The following ANKRD36C variants were observed in gnomAD, a reference collection of about 807,000 sequenced individuals.
ANKRD36C encodes ankyrin repeat domain 36C.
A neutral mutation model predicts 276.4 loss-of-function variants in ANKRD36C; 61 were observed. The ratio of observed to expected loss-of-function variants is 0.22; its 90% CI spans 0.18 to 0.27. The LOEUF (loss-of-function observed/expected upper bound fraction) is 0.27. Ranked by LOEUF, ANKRD36C falls within the 10% of genes least tolerant of loss-of-function variation. ANKRD36C has a pLI of 1.00. For synonymous variants in ANKRD36C, 483 were observed against 680.1 expected, an observed-to-expected ratio of 0.71 and a Z score of 4.51; for missense variants, 1,447 against 2,032.3, an observed-to-expected ratio of 0.71 and a Z score of 5.54.
chr2:95,887,116 T>G (rs1676219864), intron 50 of ANKRD36C, among the ~76,000 whole-genome samples: 1 of 151,614 alleles, frequency 6.6e-6, no homozygotes, highest in African/African-American at 2.4e-5. Context: ...AGTATCATGC[T>G]ATTCTCTAAA....
chr2:95,945,275 T>C (rs1678016221), intron 17 of ANKRD36C, 101 bp from the exon 18 acceptor site: 30 of 967,518 alleles, frequency 3.1e-5, no homozygotes, highest in Non-Finnish European at 4.1e-5. Context: ...AGGATGGACT[T>C]TGAAGTCACT....
rs532159211 is a variant in ANKRD36C, at chr2:95,896,761, C to A, written c.2755+2384G>T. On this transcript the variant is annotated intron_variant, in intron 44 of 66. Transcript: ENST00000456556. ...TTCACTCAGGTTTTCTCAGCAGAAA[C>A]CCCAAAATTATATAAATGACTTCCT... Among the ~76,000 whole-genome samples the A allele has an allele frequency of 6.5e-4, 96 of 148,258 alleles. 2 individuals carry two copies. The East Asian group carries it at 0.019, about 29-fold the overall frequency.
chr2:95,920,370 G>C (rs1481995952), intron 34 of ANKRD36C, among the ~76,000 whole-genome samples: 1 of 132,038 alleles, frequency 7.6e-6, no homozygotes, highest in African/African-American at 2.6e-5. Context: ...CAATAACTGA[G>C]AAGGCACACA....
At chr2:95,918,689 C>T (rs1208537523) in intron 34 of ANKRD36C, among the ~76,000 whole-genome samples, 3 of 151,620 alleles carry the variant, frequency 2.0e-5, no homozygotes, top group African/African-American at 2.4e-5. Flanking sequence ...AAACTTTCTT[C>T]GTCAAGTCGT....
At chr2:95,969,983 C>T (rs376200300) in intron 6 of ANKRD36C, among the ~76,000 whole-genome samples, 12 of 152,180 alleles carry the variant, frequency 7.9e-5, no homozygotes, top group East Asian at 3.9e-4. Context: ...CAGGCATTCA[C>T]TAAGGGTCTT....
chr2:95,963,944 AATATATATATATAAAT>A (rs1230379507), intron 6 of ANKRD36C, among the ~76,000 whole-genome samples: 1 of 82,716 alleles, frequency 1.2e-5, no homozygotes, highest in African/African-American at 4.2e-5. Flanking sequence ...TACATATATA[AATATATATATATAAAT>A]ATATATATAT....
intron 48 of ANKRD36C, among the ~76,000 whole-genome samples, chr2:95,889,574 T>C (rs1433913839): frequency 1.3e-5 from 2 of 151,502 alleles, no homozygotes; most frequent in Non-Finnish European, 3.0e-5. Flanking sequence ...GGTCAGATGG[T>C]TCTTTTTCCC....
intron 59 of ANKRD36C, among the ~76,000 whole-genome samples, chr2:95,870,643 CAACAGAACAAAGCTGGA>C (rs1558621770): frequency 3.3e-5 from 5 of 152,196 alleles, no homozygotes; most frequent in Non-Finnish European, 7.3e-5. Context: ...TCCTCACCAG[CAACAGAACAAAGCTGGA>C]CGGAGAATGA....
chr2:95,925,452 A>G (rs1344725727), intron 29 of ANKRD36C, 28 bp from the exon 30 acceptor site: 1 of 1,548,152 alleles, frequency 6.5e-7, no homozygotes, highest in South Asian at 1.2e-5. Context: ...CAAAATAGTC[A>G]ATACATAATA....
chr2:95,874,102 C>T (rs1210579841), intron 59 of ANKRD36C, among the ~76,000 whole-genome samples: 1 of 152,006 alleles, frequency 6.6e-6, no homozygotes, highest in Non-Finnish European at 1.5e-5. Context: ...GGCCATACTG[C>T]CCAAGGTAAT....
At chr2:95,914,045 C>G (rs1279509536) in intron 40 of ANKRD36C, 63 bp downstream of exon 42, 3 of 1,462,826 alleles carry the variant, frequency 2.1e-6, no homozygotes, top group Non-Finnish European at 2.8e-6. Context: ...CTGATTTCTT[C>G]AGGGAAGAGA....
At chr2:95,852,418 A>G (rs1573715089) in intron 64 of ANKRD36C, 1 of 501,840 alleles carries the variant, frequency 2.0e-6, no homozygotes, top group South Asian at 2.5e-5. Context: ...GTTCATGGCT[A>G]CTTTTGTGCT....
intron 24 of ANKRD36C, among the ~76,000 whole-genome samples, chr2:95,930,537 A>C (rs1182634980): frequency 1.3e-5 from 2 of 151,540 alleles, no homozygotes; most frequent in Non-Finnish European, 3.0e-5. Flanking sequence ...TTTTGCAAAA[A>C]CATACACATC....
At chr2:95,879,120 T>A (rs1676018913) in intron 58 of ANKRD36C, among the ~76,000 whole-genome samples, 1 of 152,136 alleles carries the variant, frequency 6.6e-6, no homozygotes, top group African/African-American at 2.4e-5. Context: ...CTCAGCCATA[T>A]GAAAGAATAA....
chr2:95,921,057 T>G (rs1035988323), intron 34 of ANKRD36C, among the ~76,000 whole-genome samples: 8 of 150,536 alleles, frequency 5.3e-5, no homozygotes, highest in Admixed American at 2.0e-4. Flanking sequence ...GCATGTGAAG[T>G]GAGTTCACTC....
chr2:95,893,530 T>A lies in ANKRD36C; in HGVS notation c.2756-1670A>T. The A allele has an allele frequency of 6.5e-7, 1 of 1,543,292 alleles. No homozygotes were observed. The highest frequency in any genetic ancestry group is 8.7e-7 in the Non-Finnish European group (1 of 1,144,238). ...ATGACATTAAATCTGTTTTCAAAAT[T>A]ACCTGTTCTAGATTTTTCTCCATCC... On this transcript the variant is annotated intron_variant, in intron 44 of 66. Transcript: ENST00000456556.
At chr2:95,911,181 T>C (rs893742425) in intron 42 of ANKRD36C, among the ~76,000 whole-genome samples, 1 of 151,492 alleles carries the variant, frequency 6.6e-6, no homozygotes, top group African/African-American at 2.4e-5. Context: ...CTTAAGTTTC[T>C]TTCATCCACT....
At chr2:95,986,669 A>G in intron 3 of ANKRD36C, 82 bp downstream of exon 3, 2 of 1,179,118 alleles carry the variant, frequency 1.7e-6, no homozygotes, top group Non-Finnish European at 2.3e-6. Flanking sequence ...GCTTCCAAAT[A>G]TGAAAAATTG....
intron 54 of ANKRD36C, 69 bp from the exon 75 acceptor site, chr2:95,882,566 G>A (rs746942326): frequency 6.5e-7 from 1 of 1,537,000 alleles, no homozygotes; most frequent in South Asian, 1.2e-5. Flanking sequence ...CATTCATGCA[G>A]TGTTAGCATC....
Sources: allele counts gnomAD v4.1 joint callset (sites outside exome capture counted in the v4.1 genomes callset), GRCh38; gene constraint gnomAD v4.1.1; transcripts MANE v1.5; gene names NCBI Gene and HGNC (gene_info 2026-07-23, HGNC 2026-07-21).